ACACB: variants seen among roughly 807,000 people sequenced by gnomAD.
The protein encoded by ACACB is acetyl-CoA carboxylase beta.
In ACACB, 209 loss-of-function variants were observed where a neutral mutation model predicts 278.8. That is an observed-to-expected ratio of 0.75 (90% CI 0.67 to 0.84). ACACB has a LOEUF of 0.84. ACACB is among the 40% of genes least tolerant of loss of function. The pLI, the probability that ACACB is intolerant of heterozygous loss-of-function variation, is 0.00. For synonymous variants in ACACB, 1,174 were observed against 1,285.6 expected (o/e 0.91, Z 1.86); for missense variants, 2,850 against 3,269.0 (o/e 0.87, Z 3.13).
At chr12:109,179,646 C>T (rs1051942684) in intron 10 of ACACB, among the ~76,000 whole-genome samples, 4 of 152,138 alleles carry the variant, frequency 2.6e-5, no homozygotes, top group African/African-American at 7.2e-5. Flanking sequence ...GTCACCATGT[C>T]TGGCTAATTT....
intron 2 of ACACB, among the ~76,000 whole-genome samples, chr12:109,154,133 T>C (rs2043452631): frequency 6.6e-6 from 1 of 152,192 alleles, no homozygotes; most frequent in African/African-American, 2.4e-5. Flanking sequence ...ACTTAGTAAA[T>C]GTTAGTCTTA....
At chr12:109,171,416 C>T (rs1001358022) in intron 4 of ACACB, among the ~76,000 whole-genome samples, 3 of 151,458 alleles carry the variant, frequency 2.0e-5, no homozygotes, top group African/African-American at 7.3e-5. Flanking sequence ...GTGGTGTGAT[C>T]TCAGCTCACT....
At chr12:109,144,732 TTTTCTTTTTC>T (rs1370983701) in intron 2 of ACACB, among the ~76,000 whole-genome samples, 15 of 144,978 alleles carry the variant, frequency 1.0e-4, no homozygotes, top group South Asian at 2.2e-4. Flanking sequence ...GTTTCTTTCT[TTTTCTTTTTC>T]TTTCTTTCTT....
intron 12 of ACACB, among the ~76,000 whole-genome samples, chr12:109,187,781 G>A (rs995986102): frequency 1.3e-5 from 2 of 151,890 alleles, no homozygotes; most frequent in Admixed American, 1.3e-4. Context: ...TTTTTTTACA[G>A]TTAAAAAAAA....
rs1233601225 is a variant in ACACB, at chr12:109,267,053, G to A, written c.*691G>A. The A allele has an allele frequency of 1.3e-5, 2 of 151,102 alleles. No individual in the cohort carries two copies. The highest frequency in any genetic ancestry group is 4.9e-5 in the African/African-American group (2 of 41,178). The allele number at this position is 151,102 out of a possible 1,614,324, so 9.4% of individuals were successfully genotyped here. A position where few individuals can be genotyped will look rare whatever the true frequency, so the allele number is the denominator to read the frequency against. Reference sequence around the variant, plus strand: ...CCACCACCATGCCCGGCTAATTTTTGTATTTTTGGTAGAGACAGAGTTTCA... The same window carrying A: ...CCACCACCATGCCCGGCTAATTTTTATATTTTTGGTAGAGACAGAGTTTCA... On this transcript the variant is annotated 3_prime_UTR_variant, in exon 53 of 53. Transcript: ENST00000338432.
At chr12:109,230,784 G>A (rs1054226696) in intron 28 of ACACB, among the ~76,000 whole-genome samples, 1 of 152,136 alleles carries the variant, frequency 6.6e-6, no homozygotes, top group Non-Finnish European at 1.5e-5. Context: ...AGGGAAGGGC[G>A]GCTCTCCTGA....
At chr12:109,153,863 A>G (rs1169677758) in intron 2 of ACACB, among the ~76,000 whole-genome samples, 1 of 152,016 alleles carries the variant, frequency 6.6e-6, no homozygotes, top group Non-Finnish European at 1.5e-5. Context: ...GGGTGTCACC[A>G]TGTTGGCCAG....
intron 49 of ACACB, among the ~76,000 whole-genome samples, chr12:109,262,816 C>T (rs975459493): frequency 5.9e-5 from 9 of 151,310 alleles, no homozygotes; most frequent in African/African-American, 1.9e-4. Context: ...GGGGTTTCGC[C>T]ATGTTGCCCA....
intron 19 of ACACB, among the ~76,000 whole-genome samples, chr12:109,204,345 G>A (rs2045430885): frequency 7.0e-6 from 1 of 143,146 alleles, no homozygotes; most frequent in Non-Finnish European, 1.5e-5. Context: ...CGTGATCTCA[G>A]CTCACTGCAA....
chr12:109,174,746 T>C (rs557610623), intron 7 of ACACB, among the ~76,000 whole-genome samples: 7 of 151,774 alleles, frequency 4.6e-5, no homozygotes, highest in Non-Finnish European at 1.0e-4. Context: ...GGTGCATACC[T>C]GTAGTCCCAA....
chr12:109,265,324 T>C (rs201673520), intron 51 of ACACB, 44 bp downstream of exon 51: 22 of 1,610,836 alleles, frequency 1.4e-5, no homozygotes, highest in Non-Finnish European at 1.9e-5. Context: ...CAGGGGGTGC[T>C]GGGGGCTGAG....
At chr12:109,250,396 C>T (rs1343604042) in intron 41 of ACACB, among the ~76,000 whole-genome samples, 1 of 152,140 alleles carries the variant, frequency 6.6e-6, no homozygotes, top group Non-Finnish European at 1.5e-5. Context: ...AAAAACATAA[C>T]TGAAATACTA....
At chr12:109,121,253 T>C (rs2042541897) in intron 1 of ACACB, among the ~76,000 whole-genome samples, 1 of 152,210 alleles carries the variant, frequency 6.6e-6, no homozygotes, top group Non-Finnish European at 1.5e-5. Context: ...TTCATTCTTA[T>C]TCAACATGCT....
Position 109,186,177 on chromosome 12 carries a change from C to T in ACACB, c.1980+437C>T, listed in dbSNP as rs185336913. 1.7e-3 allele frequency among the ~76,000 whole-genome samples: 266 copies of T among 152,140 alleles called. 1 individual carries two copies. The highest frequency in any genetic ancestry group is 5.8e-3 in the African/African-American group (239 of 41,476). On this transcript the variant is annotated intron_variant, in intron 12 of 52. Transcript: ENST00000338432. ...AACTCCTGACCTTGAGTGATCCACC[C>T]GCCTCGGCCTCCCAAAGTGTTGGGA...
At chr12:109,168,343 G>T (rs541267514) in intron 4 of ACACB, among the ~76,000 whole-genome samples, 1 of 152,122 alleles carries the variant, frequency 6.6e-6, no homozygotes, top group Non-Finnish European at 1.5e-5. Context: ...TCAATCATTT[G>T]TTCATTCTTC....
chr12:109,112,876 A>G (rs2042336633), upstream of ACACB, among the ~76,000 whole-genome samples: 1 of 152,056 alleles, frequency 6.6e-6, no homozygotes, highest in Non-Finnish European at 1.5e-5. Context: ...CAGGTGGTAA[A>G]TATTTGAGGG....
chr12:109,187,866 A>G (rs1593501476), intron 12 of ACACB, 133 bp from the exon 13 acceptor site: 1 of 889,728 alleles, frequency 1.1e-6, no homozygotes, highest in East Asian at 2.8e-5. Context: ...AACAAGCGAT[A>G]TCAGTGTTCT....
intron 50 of ACACB, among the ~76,000 whole-genome samples, chr12:109,264,805 G>T (rs1025572748): frequency 4.6e-5 from 7 of 152,062 alleles, no homozygotes; most frequent in Non-Finnish European, 2.9e-5. Context: ...TTGCTGCATT[G>T]TTCTCCCTCC....
At chr12:109,225,047 G>A in intron 27 of ACACB, among the ~76,000 whole-genome samples, 1 of 152,170 alleles carries the variant, frequency 6.6e-6, no homozygotes, top group Non-Finnish European at 1.5e-5. Context: ...GGTCTCCTGG[G>A]CCTGCAACTT....
Sources: allele counts gnomAD v4.1 joint callset (sites outside exome capture counted in the v4.1 genomes callset), GRCh38; gene constraint gnomAD v4.1.1; transcripts MANE v1.5; gene names NCBI Gene and HGNC (gene_info 2026-07-23, HGNC 2026-07-21).